Variants in RGPD2 observed in about 807,000 individuals in gnomAD.
RGPD2 encodes RANBP2-like and GRIP domain-containing protein 2.
Under a neutral mutation model 36.0 loss-of-function variants are expected in RGPD2, and 2 were observed. The observed-to-expected ratio is 0.06, with a 90% CI of 0.02 to 0.17. RGPD2 has a LOEUF of 0.17. Ranked by LOEUF, RGPD2 falls within the 10% of genes least tolerant of loss-of-function variation. The probability of loss-of-function intolerance (pLI) is 1.00; values close to 1 mark genes in which losing one functional copy is unlikely to be tolerated. For synonymous variants in RGPD2, 19 were observed against 163.8 expected, an observed-to-expected ratio of 0.12 and a Z score of 6.75; for missense variants, 40 against 464.3, an observed-to-expected ratio of 0.09 and a Z score of 8.40.
At chr2:87,829,575 A>G (rs2104396148), upstream of RGPD2, among the ~76,000 whole-genome samples, 1 of 151,534 alleles carries the variant, frequency 6.6e-6, no homozygotes, top group East Asian at 2.0e-4. Context: ...GTGGAAGGGA[A>G]AAGAGGAGCA....
chr2:87,964,560 G>A, the RGPD2 span, among the ~76,000 whole-genome samples: 2 of 152,188 alleles, frequency 1.3e-5, no homozygotes, highest in African/African-American at 4.8e-5. Flanking sequence ...TTGAGACAGA[G>A]TCTCACACTG....
At chr2:87,975,076 C>A in the RGPD2 span, among the ~76,000 whole-genome samples, 1 of 152,136 alleles carries the variant, frequency 6.6e-6, no homozygotes, top group Non-Finnish European at 1.5e-5. Context: ...TGGCCACATC[C>A]CTTGTGTTTT....
the RGPD2 span, among the ~76,000 whole-genome samples, chr2:87,970,342 T>A: frequency 6.6e-6 from 1 of 151,170 alleles, no homozygotes; most frequent in Admixed American, 6.6e-5. Flanking sequence ...CACAGACACA[T>A]ATAAAGACGT....
the RGPD2 span, among the ~76,000 whole-genome samples, chr2:87,961,304 C>T: frequency 2.0e-4 from 31 of 152,268 alleles, no homozygotes; most frequent in African/African-American, 5.8e-4. Context: ...CGGCGGAGGA[C>T]CACTGTGACG....
chr2:87,825,443 CCGGCCAGGCCGAGGCCGAGGCCGAG>C (rs1686696021), intron 1 of RGPD2, among the ~76,000 whole-genome samples, 190 bp downstream of exon 1: 1 of 114,230 alleles, frequency 8.8e-6, no homozygotes, highest in Non-Finnish European at 2.0e-5. Flanking sequence ...CCGCCGCCGC[CCGGCCAGGCCGAGGCCGAGGCCGAG>C]GCCGCCGTCG....
the RGPD2 span, among the ~76,000 whole-genome samples, chr2:87,984,262 C>T: frequency 5.9e-3 from 898 of 152,290 alleles, 6 homozygotes; most frequent in African/African-American, 0.02. Flanking sequence ...AAGAATGGCA[C>T]CGGCGAACCC....
At chr2:87,824,767 GCC>G (rs1686578253) in intron 1 of RGPD2, among the ~76,000 whole-genome samples, 2 of 72,106 alleles carry the variant, frequency 2.8e-5, no homozygotes, top group Non-Finnish European at 6.2e-5. Flanking sequence ...CGCCGCCGCC[GCC>G]CGGCCAGGCC....
At chr2:87,885,367 C>T in the RGPD2 span, among the ~76,000 whole-genome samples, 1 of 152,014 alleles carries the variant, frequency 6.6e-6, no homozygotes, top group East Asian at 1.9e-4. Flanking sequence ...ATAATAAAGA[C>T]TATATATGAC....
chr2:87,973,468 G>A, the RGPD2 span, among the ~76,000 whole-genome samples: 1 of 131,694 alleles, frequency 7.6e-6, no homozygotes, highest in Non-Finnish European at 1.7e-5. Flanking sequence ...CAGTGAAGGG[G>A]ACATCCCATA....
chr2:87,922,383 T>C, the RGPD2 span, among the ~76,000 whole-genome samples: 1 of 150,950 alleles, frequency 6.6e-6, no homozygotes, highest in Non-Finnish European at 1.5e-5. Context: ...AGAAAGTTTA[T>C]ATCTTGGTCA....
At chr2:87,879,201 C>T in the RGPD2 span, among the ~76,000 whole-genome samples, 1 of 151,586 alleles carries the variant, frequency 6.6e-6, no homozygotes. Flanking sequence ...TTATAGGGTA[C>T]ATAAGATACT....
chr2:87,818,614 CT>C lies in RGPD2; in HGVS notation c.81del (p.Gly28AspfsTer61). On this transcript the variant is annotated frameshift_variant, in exon 2 of 23. Transcript: ENST00000398146. LOFTEE classifies it high-confidence loss of function. ...TAATACAGCTTTGCAAAATAGAATC[CT>C]CTCAACTTCTAAAAAAAATTAAAAG... ...GSAPSPGKKL[R>X]GFYFAKLYYE... The C allele has an allele frequency of 7.3e-7, 1 of 1,366,584 alleles. No homozygotes were observed. Among genetic ancestry groups the C allele is most frequent in the South Asian group, 1.3e-5 (1 of 79,010 alleles). The allele number at this position is 1,366,584 out of a possible 1,614,324, so 84.7% of individuals were successfully genotyped here. A position where few individuals can be genotyped will look rare whatever the true frequency, so the allele number is the denominator to read the frequency against.
chr2:87,884,034 T>C, the RGPD2 span, among the ~76,000 whole-genome samples: 3 of 152,048 alleles, frequency 2.0e-5, no homozygotes, highest in African/African-American at 7.2e-5. Flanking sequence ...CCAGGATGGA[T>C]TATATTTTAG....
the RGPD2 span, among the ~76,000 whole-genome samples, chr2:87,907,077 T>C: frequency 1.5e-5 from 1 of 64,778 alleles, no homozygotes; most frequent in Non-Finnish European, 3.3e-5. Flanking sequence ...TGGAATACTA[T>C]GCAGCCATAA....
chr2:87,783,187 C>G lies in RGPD2; in HGVS notation c.3837G>C (p.Glu1279Asp), dbSNP rs1241654537. ...PVRKNIFRFD[E>D]STTGFNFSFK... Reference sequence around the variant, plus strand: ...AACTGAAGTTAAATCCTGTTGTTGACTCATCAAAGCGGAAAATATTTTTTC... The same window carrying G: ...AACTGAAGTTAAATCCTGTTGTTGAGTCATCAAAGCGGAAAATATTTTTTC... Residue 1279 changes from glutamate to aspartate, a missense_variant, in exon 20 of 23, where the codon GAG (glutamate) becomes GAC (aspartate). Glu to Asp is a conservative substitution (Grantham distance 45). Transcript: ENST00000398146. 1 of 1,200,798 alleles carries G rather than the reference C, an allele frequency of 8.3e-7. No individual in the cohort carries two copies. The highest frequency in any genetic ancestry group is 1.9e-5 in the African/African-American group (1 of 52,348). The allele number at this position is 1,200,798 out of a possible 1,614,324, so 74.4% of individuals were successfully genotyped here. A position where few individuals can be genotyped will look rare whatever the true frequency, so the allele number is the denominator to read the frequency against.
chr2:87,883,223 T>A, the RGPD2 span, among the ~76,000 whole-genome samples: 3 of 151,654 alleles, frequency 2.0e-5, no homozygotes, highest in Admixed American at 6.6e-5. Context: ...GCAATCAAAA[T>A]TCAATTATTC....
chr2:87,983,133 C>T, the RGPD2 span, among the ~76,000 whole-genome samples: 30 of 149,818 alleles, frequency 2.0e-4, no homozygotes, highest in African/African-American at 7.4e-4. Context: ...CAGCATAGCC[C>T]ACATGGCAAA....
chr2:87,934,023 A>G, the RGPD2 span, among the ~76,000 whole-genome samples: 16 of 111,540 alleles, frequency 1.4e-4, no homozygotes, highest in Non-Finnish European at 2.6e-4. Context: ...GTGTTTGTTC[A>G]TGAGTTTTGC....
chr2:87,822,516 TA>T (rs1183300388), intron 1 of RGPD2, among the ~76,000 whole-genome samples: 1 of 117,502 alleles, frequency 8.5e-6, no homozygotes, highest in Non-Finnish European at 1.8e-5. Context: ...AATGATCAAC[TA>T]AATTAAGTAA....
Sources: allele counts gnomAD v4.1 joint callset (sites outside exome capture counted in the v4.1 genomes callset), GRCh38; gene constraint gnomAD v4.1.1; transcripts MANE v1.5; gene names NCBI Gene and HGNC (gene_info 2026-07-23, HGNC 2026-07-21).